ADAMTSL1: variants seen among roughly 807,000 people sequenced by gnomAD.
ADAMTSL1 encodes the protein ADAMTS-like protein 1.
Under a neutral mutation model 201.8 loss-of-function variants are expected in ADAMTSL1, and 126 were observed. That is an observed-to-expected ratio of 0.62 (90% CI 0.54 to 0.72). The LOEUF is 0.72. Among genes scored for constraint, ADAMTSL1 ranks in the 30% least tolerant of loss-of-function variants. The pLI is 0.00. For synonymous variants in ADAMTSL1, 1,121 were observed against 903.4 expected, an observed-to-expected ratio of 1.24 and a Z score of -4.32; for missense variants, 2,679 against 2,277.8, an observed-to-expected ratio of 1.18 and a Z score of -3.59.
chr9:18,282,561 C>T (rs1354289714), intron 2 of ADAMTSL1, among the ~76,000 whole-genome samples: 2 of 152,138 alleles, frequency 1.3e-5, no homozygotes, highest in Non-Finnish European at 2.9e-5. Context: ...TGCTTTATGG[C>T]TTAGAATATG....
intron 23 of ADAMTSL1, among the ~76,000 whole-genome samples, chr9:18,886,936 G>A (rs1390439784): frequency 1.3e-5 from 2 of 152,212 alleles, no homozygotes; most frequent in African/African-American, 2.4e-5. Context: ...CTAGAAGAGG[G>A]AAGATAGTCT....
intron 1 of ADAMTSL1, among the ~76,000 whole-genome samples, chr9:18,108,608 T>G (rs1824866124): frequency 6.6e-6 from 1 of 152,168 alleles, no homozygotes; most frequent in South Asian, 2.1e-4. Context: ...CTTGGACTTC[T>G]AAATTCTTGC....
chr9:17,933,787 C>G (rs1187839846), intron 1 of ADAMTSL1, among the ~76,000 whole-genome samples: 2 of 152,098 alleles, frequency 1.3e-5, no homozygotes, highest in Non-Finnish European at 2.9e-5. Flanking sequence ...ATGAGAACAG[C>G]AAGGGAGAAA....
intron 2 of ADAMTSL1, among the ~76,000 whole-genome samples, chr9:18,244,331 T>G (rs1033599792): frequency 3.9e-5 from 6 of 152,064 alleles, no homozygotes; most frequent in Non-Finnish European, 8.8e-5. Context: ...GTATAAAACA[T>G]TATAGATTAT....
At chr9:18,068,571 C>G (rs539349249) in intron 1 of ADAMTSL1, among the ~76,000 whole-genome samples, 1 of 152,142 alleles carries the variant, frequency 6.6e-6, no homozygotes, top group South Asian at 2.1e-4. Context: ...ATGGTAAACC[C>G]CACAAGGAAA....
intron 1 of ADAMTSL1, among the ~76,000 whole-genome samples, chr9:18,018,182 G>A (rs1026639921): frequency 2.0e-5 from 3 of 152,052 alleles, no homozygotes; most frequent in African/African-American, 4.8e-5. Context: ...AATAAGTTTG[G>A]TGACTCTTGC....
chr9:18,479,575 T>C (rs1821621960), intron 1 of ADAMTSL1, among the ~76,000 whole-genome samples: 1 of 152,220 alleles, frequency 6.6e-6, no homozygotes, highest in African/African-American at 2.4e-5. Context: ...TTCATTGTAA[T>C]CTCTAAAATA....
chr9:18,202,625 C>T (rs973273552), intron 2 of ADAMTSL1, among the ~76,000 whole-genome samples: 12 of 152,302 alleles, frequency 7.9e-5, no homozygotes, highest in African/African-American at 1.2e-4. Flanking sequence ...CTCTGACTTC[C>T]GGCAAAATGA....
At chr9:18,378,666 C>G (rs529164244) in intron 2 of ADAMTSL1, among the ~76,000 whole-genome samples, 1 of 152,292 alleles carries the variant, frequency 6.6e-6, no homozygotes, top group Admixed American at 6.5e-5. Context: ...CCTCCTTCTT[C>G]CTTCTCTTTT....
intron 2 of ADAMTSL1, among the ~76,000 whole-genome samples, chr9:18,205,632 A>ATGCTCTTCCTGTACTTCATGATG (rs1255929607): frequency 1.9e-4 from 29 of 152,228 alleles, no homozygotes; most frequent in African/African-American, 7.0e-4. Flanking sequence ...CCAAAAACCT[A>ATGCTCTTCCTGTACTTCATGATG]TGCTCTTCCT....
At chr9:18,158,429 T>C (rs1827248271) in intron 1 of ADAMTSL1, among the ~76,000 whole-genome samples, 1 of 151,964 alleles carries the variant, frequency 6.6e-6, no homozygotes, top group Admixed American at 6.6e-5. Context: ...AATGAAGATT[T>C]TTTGGATTAA....
chr9:17,956,540 G>T (rs764846196), intron 1 of ADAMTSL1, among the ~76,000 whole-genome samples: 19 of 152,104 alleles, frequency 1.2e-4, no homozygotes, highest in African/African-American at 4.6e-4. Context: ...GGAAGCCCGG[G>T]TGACTGTAAC....
intron 15 of ADAMTSL1, among the ~76,000 whole-genome samples, chr9:18,728,117 TAA>T (rs1326361465): frequency 2.5e-5 from 3 of 120,156 alleles, no homozygotes; most frequent in African/African-American, 8.9e-5. Flanking sequence ...AATAAATAAA[TAA>T]ATAAATAAAT....
At chr9:18,375,527 T>A (rs1020016252) in intron 2 of ADAMTSL1, among the ~76,000 whole-genome samples, 1 of 152,194 alleles carries the variant, frequency 6.6e-6, no homozygotes. Flanking sequence ...CAAACAAAAA[T>A]GTACTAACTT....
At position 18,777,199 on chromosome 9, in the gene ADAMTSL1, G is replaced by C. The variant is rs373480327; in HGVS notation, c.2970G>C (p.Glu990Asp). ...CGGGGAGGAAGGGCGGCCCGAAGGA[G>C]GCCCTGCAGACCCACAAACACCAGA... Reference protein sequence around the residue: ...VLAGRKGGPKEALQTHKHQNG... With the variant: ...VLAGRKGGPKDALQTHKHQNG... The change falls in exon 19 of 29, where the codon GAG becomes GAC. Residue 990 changes from glutamate (E) to aspartate (D), a missense_variant. Transcript: ENST00000380548. 3.1e-6 allele frequency: 5 copies of C among 1,612,872 alleles called. No individual in the cohort carries two copies. In the East Asian group the frequency reaches 8.9e-5, roughly 29 times the overall value.
At chr9:18,085,995 G>A (rs544923628) in intron 1 of ADAMTSL1, among the ~76,000 whole-genome samples, 91 of 152,184 alleles carry the variant, frequency 6.0e-4, no homozygotes, top group African/African-American at 2.2e-3. Context: ...AAATCGATGA[G>A]CACAGATTGG....
At chr9:18,565,500 C>A (rs1203662096) in intron 3 of ADAMTSL1, among the ~76,000 whole-genome samples, 2 of 145,348 alleles carry the variant, frequency 1.4e-5, no homozygotes, top group Non-Finnish European at 3.0e-5. Context: ...AGAACAAAAG[C>A]AAGGAGTTTT....
intron 1 of ADAMTSL1, among the ~76,000 whole-genome samples, chr9:18,084,389 G>A (rs1291152806): frequency 6.6e-6 from 1 of 152,034 alleles, no homozygotes; most frequent in Non-Finnish European, 1.5e-5. Flanking sequence ...GGGCGCGGTG[G>A]TGTGCACCTG....
At chr9:18,692,423 C>T (rs1050182597) in intron 13 of ADAMTSL1, among the ~76,000 whole-genome samples, 1 of 152,114 alleles carries the variant, frequency 6.6e-6, no homozygotes, top group Middle Eastern at 3.4e-3. Flanking sequence ...CTCCCTCTGT[C>T]ACCGCAGTTG....
Sources: allele counts gnomAD v4.1 joint callset (sites outside exome capture counted in the v4.1 genomes callset), GRCh38; gene constraint gnomAD v4.1.1; transcripts MANE v1.5; gene names NCBI Gene and HGNC (gene_info 2026-07-23, HGNC 2026-07-21).